Variants in CTIF observed in about 807,000 individuals in gnomAD.
The protein encoded by CTIF is CBP80/20-dependent translation initiation factor.
CTIF carries 21 observed loss-of-function variants against 66.0 expected under a neutral mutation model. The observed-to-expected ratio is 0.32, with a 90% CI of 0.23 to 0.46. The LOEUF is 0.46. CTIF is among the 20% of genes least tolerant of loss of function. CTIF has a pLI of 1.00. For missense variants in CTIF, 739 were observed against 812.7 expected (o/e 0.91, Z 1.10); for synonymous variants, 345 against 326.4 (o/e 1.06, Z -0.62).
At chr18:48,708,526 G>A (rs1470451602) in intron 6 of CTIF, among the ~76,000 whole-genome samples, 2 of 152,188 alleles carry the variant, frequency 1.3e-5, no homozygotes, top group African/African-American at 4.8e-5. Context: ...CCCAGGGAAG[G>A]CAGTAAGGTC....
At chr18:48,549,703 C>T (rs1412798686) in intron 1 of CTIF, among the ~76,000 whole-genome samples, 1 of 152,162 alleles carries the variant, frequency 6.6e-6, no homozygotes, top group Non-Finnish European at 1.5e-5. Context: ...CCCAGAATTC[C>T]CCTGCTGAAG....
chr18:48,862,204 G>A lies in CTIF; in HGVS notation c.*2645G>A, dbSNP rs968220655. The A allele has an allele frequency of 6.6e-6, 1 of 152,252 alleles. No individual in the cohort carries two copies. The highest frequency in any genetic ancestry group is 2.4e-5 in the African/African-American group (1 of 41,448). 9.4% of individuals were successfully genotyped at this position (152,252 alleles called of 1,614,324 possible). A position where few individuals can be genotyped will look rare whatever the true frequency, so the allele number is the denominator to read the frequency against. On this transcript the variant is annotated 3_prime_UTR_variant, in exon 12 of 12. Transcript: ENST00000256413. Reference sequence around the variant, plus strand: ...CAAGTCCATCCCCTCTCTGTGGCATGAGGAAGGCCGCGTCCGAGTTGACCT... The same window carrying A: ...CAAGTCCATCCCCTCTCTGTGGCATAAGGAAGGCCGCGTCCGAGTTGACCT...
intron 9 of CTIF, among the ~76,000 whole-genome samples, chr18:48,789,828 G>C (rs1236124592): frequency 6.6e-6 from 1 of 152,214 alleles, no homozygotes; most frequent in Non-Finnish European, 1.5e-5. Context: ...CTTAAGACTA[G>C]TGGGGAAGAC....
Position 48,862,955 on chromosome 18 carries a change from T to G in CTIF, c.*3396T>G, listed in dbSNP as rs1401686920. The G allele has an allele frequency of 6.6e-6, 1 of 152,262 alleles. No individual in the cohort carries two copies. The highest frequency in any genetic ancestry group is 6.5e-5 in the Admixed American group (1 of 15,292). 9.4% of individuals were successfully genotyped at this position (152,262 alleles called of 1,614,324 possible). A position where few individuals can be genotyped will look rare whatever the true frequency, so the allele number is the denominator to read the frequency against. ...GTGTTGGGAAACCATTGGCTGGGCC[T>G]TTGAGGACACAGATCAGAAGAAAGA... is the stretch of plus-strand genomic sequence containing the variant. On this transcript the variant is annotated 3_prime_UTR_variant, in exon 12 of 12. Coordinates refer to ENST00000256413, the MANE Select transcript of CTIF (RefSeq NM_014772.3).
At chr18:48,804,964 C>T (rs2068114793) in intron 9 of CTIF, among the ~76,000 whole-genome samples, 1 of 152,220 alleles carries the variant, frequency 6.6e-6, no homozygotes, top group Non-Finnish European at 1.5e-5. Context: ...GCCTGTTGTA[C>T]TGATGAGTTC....
intron 10 of CTIF, among the ~76,000 whole-genome samples, chr18:48,850,980 T>G (rs2069187068): frequency 1.3e-5 from 2 of 152,246 alleles, no homozygotes; most frequent in Middle Eastern, 3.2e-3. Context: ...CTTCCCTGAC[T>G]TCCTTGAGAA....
At chr18:48,844,569 C>G (rs1010072407) in intron 10 of CTIF, among the ~76,000 whole-genome samples, 1 of 152,188 alleles carries the variant, frequency 6.6e-6, no homozygotes, top group African/African-American at 2.4e-5. Context: ...TGGTCCGCAG[C>G]TAGGGTGCCC....
intron 10 of CTIF, among the ~76,000 whole-genome samples, chr18:48,830,799 T>G (rs917847343): frequency 1.3e-5 from 2 of 150,930 alleles, no homozygotes; most frequent in Non-Finnish European, 1.5e-5. Context: ...CTTCTCTTCA[T>G]TGCCCTACTA....
intron 10 of CTIF, among the ~76,000 whole-genome samples, chr18:48,825,329 G>A (rs2068562099): frequency 6.6e-6 from 1 of 152,130 alleles, no homozygotes. Flanking sequence ...TCTGAGGGGT[G>A]CCCCCAAGGG....
intron 1 of CTIF, among the ~76,000 whole-genome samples, chr18:48,564,168 G>A (rs1321114207): frequency 6.6e-6 from 1 of 152,142 alleles, no homozygotes; most frequent in Non-Finnish European, 1.5e-5. Context: ...CTATCTTAGG[G>A]GCAAGGACTT....
At chr18:48,696,805 C>G (rs1022056754) in intron 6 of CTIF, among the ~76,000 whole-genome samples, 6 of 152,206 alleles carry the variant, frequency 3.9e-5, no homozygotes, top group African/African-American at 1.4e-4. Flanking sequence ...GCCTTGCTGT[C>G]TCAGAAGTGA....
At chr18:48,806,027 C>T (rs1314692433) in intron 9 of CTIF, among the ~76,000 whole-genome samples, 3 of 152,160 alleles carry the variant, frequency 2.0e-5, no homozygotes, top group African/African-American at 7.2e-5. Context: ...AGACATCAGA[C>T]CTAGTGGAGG....
chr18:48,546,899 A>T (rs1417346558), intron 1 of CTIF, among the ~76,000 whole-genome samples: 1 of 152,180 alleles, frequency 6.6e-6, no homozygotes, highest in Non-Finnish European at 1.5e-5. Context: ...CAGGCCTGTT[A>T]GAGCTTTGAA....
intron 10 of CTIF, among the ~76,000 whole-genome samples, chr18:48,844,583 C>T (rs774909880): frequency 4.6e-5 from 7 of 152,310 alleles, no homozygotes; most frequent in East Asian, 3.9e-4. Context: ...GGTGCCCGCC[C>T]GCCTTAGTTA....
chr18:48,573,713 C>T (rs147306436), intron 1 of CTIF, among the ~76,000 whole-genome samples: 3 of 152,224 alleles, frequency 2.0e-5, no homozygotes, highest in African/African-American at 4.8e-5. Context: ...GGTGGCAGGG[C>T]GGAGCTTGAG....
intron 1 of CTIF, among the ~76,000 whole-genome samples, chr18:48,586,222 A>G (rs988596297): frequency 2.0e-5 from 3 of 152,018 alleles, no homozygotes; most frequent in African/African-American, 7.2e-5. Context: ...GTTAGCGGAC[A>G]GAGAGCACTT....
At chr18:48,668,117 C>T (rs982025015) in intron 5 of CTIF, among the ~76,000 whole-genome samples, 14 of 152,376 alleles carry the variant, frequency 9.2e-5, no homozygotes, top group Admixed American at 2.0e-4. Flanking sequence ...TGAGCCCTGA[C>T]GAGGGCAGGC....
rs563711428 is a variant in CTIF, at chr18:48,817,553, A to G, written c.1527+177A>G. Among the ~76,000 whole-genome samples, 35 of 152,274 alleles carry G rather than the reference A, an allele frequency of 2.3e-4. No individual in the cohort carries two copies. The East Asian group carries it at 6.4e-3, about 28-fold the overall frequency. On this transcript the variant is annotated intron_variant, in intron 10 of 11. Transcript: ENST00000256413. ...CACTTTGGGAGGCCAAGGCAGGTGG[A>G]TCACCTGAGGTAAGGAGATCGAGAC...
intron 10 of CTIF, among the ~76,000 whole-genome samples, chr18:48,824,048 T>A: frequency 6.7e-6 from 1 of 149,674 alleles, no homozygotes; most frequent in African/African-American, 2.5e-5. Context: ...TTCAGTAAAT[T>A]TGCAAAAAAC....
Sources: allele counts gnomAD v4.1 joint callset (sites outside exome capture counted in the v4.1 genomes callset), GRCh38; gene constraint gnomAD v4.1.1; transcripts MANE v1.5; gene names NCBI Gene and HGNC (gene_info 2026-07-23, HGNC 2026-07-21).